Variants in SGCZ observed in about 807,000 individuals in gnomAD.
SGCZ encodes zeta-sarcoglycan.
SGCZ carries 40 observed loss-of-function variants against 41.3 expected under a neutral mutation model. The observed-to-expected ratio is 0.97, with a 90% confidence interval of 0.75 to 1.26. The LOEUF is 1.26. Among genes scored for constraint, SGCZ ranks in the 50% most tolerant of loss-of-function variants. SGCZ has a pLI of 0.00. For synonymous variants in SGCZ, 206 were observed against 137.5 expected, an observed-to-expected ratio of 1.50 and a Z score of -3.49; for missense variants, 552 against 369.8, an observed-to-expected ratio of 1.49 and a Z score of -4.04.
intron 1 of SGCZ, among the ~76,000 whole-genome samples, chr8:15,214,609 G>A (rs1053966019): frequency 6.6e-6 from 1 of 152,076 alleles, no homozygotes; most frequent in Non-Finnish European, 1.5e-5. Context: ...TGCTAGACAT[G>A]CACATCTTCC....
chr8:14,823,032 C>T (rs374128658), intron 1 of SGCZ, among the ~76,000 whole-genome samples: 4 of 120,074 alleles, frequency 3.3e-5, no homozygotes, highest in African/African-American at 1.4e-4. Context: ...CCAGCCTGGG[C>T]AATGAAGCCA....
chr8:14,393,480 C>A (rs761340723), intron 2 of SGCZ, among the ~76,000 whole-genome samples: 2 of 152,038 alleles, frequency 1.3e-5, no homozygotes, highest in Non-Finnish European at 2.9e-5. Flanking sequence ...TACGGTGGGG[C>A]GACCAACCTT....
chr8:14,310,123 TTTTC>T (rs1166171503), intron 3 of SGCZ, among the ~76,000 whole-genome samples: 4 of 152,006 alleles, frequency 2.6e-5, no homozygotes, highest in Non-Finnish European at 5.9e-5. Context: ...TTTCTAGCAA[TTTTC>T]TTTGTTTCTT....
chr8:14,692,860 T>C lies in SGCZ; in HGVS notation c.40-137934A>G, dbSNP rs964958017. Among the ~76,000 whole-genome samples the C allele has an allele frequency of 2.6e-5, 4 of 152,196 alleles. 1 individual carries two copies. Among genetic ancestry groups the C allele is most frequent in the Non-Finnish European group, 5.9e-5 (4 of 68,024 alleles). ...AATCTTGAGCATGAAACTTCAATTT[T>C]CTGATTTCACTGAACGCGATATCGA... On this transcript the variant is annotated intron_variant, in intron 1 of 7. Transcript: ENST00000382080.
At chr8:14,809,312 CA>C (rs1453257174) in intron 1 of SGCZ, among the ~76,000 whole-genome samples, 1 of 152,012 alleles carries the variant, frequency 6.6e-6, no homozygotes, top group Admixed American at 6.6e-5. Flanking sequence ...AAAATTTCAT[CA>C]TGAATATAAG....
intron 1 of SGCZ, among the ~76,000 whole-genome samples, chr8:15,146,675 T>C (rs572842796): frequency 3.7e-4 from 57 of 152,352 alleles, no homozygotes; most frequent in African/African-American, 1.3e-3. Flanking sequence ...TCTGTGAGCA[T>C]GGGGAAGGAA....
At chr8:14,692,335 G>C (rs1808826488) in intron 1 of SGCZ, among the ~76,000 whole-genome samples, 1 of 152,014 alleles carries the variant, frequency 6.6e-6, no homozygotes, top group Non-Finnish European at 1.5e-5. Context: ...GACATGAAAA[G>C]GGTGATTTAC....
intron 1 of SGCZ, among the ~76,000 whole-genome samples, chr8:14,953,536 T>C (rs1800706947): frequency 6.6e-6 from 1 of 152,174 alleles, no homozygotes; most frequent in East Asian, 1.9e-4. Context: ...ATCTCTCTCA[T>C]GTTAGCACTG....
intron 2 of SGCZ, among the ~76,000 whole-genome samples, chr8:14,334,937 A>G (rs574727263): frequency 2.6e-5 from 4 of 152,238 alleles, no homozygotes; most frequent in Non-Finnish European, 5.9e-5. Context: ...GTTAAGTGGA[A>G]GAACAGGTGT....
chr8:14,555,192 A>AAG (rs1323929653), intron 1 of SGCZ, among the ~76,000 whole-genome samples: 4 of 151,994 alleles, frequency 2.6e-5, no homozygotes, highest in African/African-American at 9.7e-5. Flanking sequence ...TTTCAACAGT[A>AAG]AGTTTTTCCC....
chr8:14,316,474 C>A (rs1198874394), intron 3 of SGCZ, among the ~76,000 whole-genome samples: 1 of 151,878 alleles, frequency 6.6e-6, no homozygotes, highest in Non-Finnish European at 1.5e-5. Flanking sequence ...AGGCCTGACT[C>A]AACTGTAATT....
intron 1 of SGCZ, among the ~76,000 whole-genome samples, chr8:15,218,409 T>C (rs533760357): frequency 6.6e-6 from 1 of 152,358 alleles, no homozygotes; most frequent in East Asian, 1.9e-4. Flanking sequence ...TCCCAATGCA[T>C]ATTTTTAGGT....
rs182993153 is a variant in SGCZ at position 14,489,683 on chromosome 8, T to A, written c.234+65049A>T. ...GGCATATTTCTTTCTTATATATTAT[T>A]AAATATATCGTAAATATAAATCTTA... On this transcript the variant is annotated intron_variant, in intron 2 of 7. Coordinates refer to ENST00000382080, the MANE Select transcript of SGCZ (RefSeq NM_139167.4). 1.9e-3 allele frequency among the ~76,000 whole-genome samples: 288 copies of A among 151,252 alleles called. 8 individuals carry two copies. Among genetic ancestry groups the A allele is most frequent in the Admixed American group, 0.019 (286 of 15,130 alleles).
intron 1 of SGCZ, among the ~76,000 whole-genome samples, chr8:15,127,505 A>G (rs1474133729): frequency 2.0e-5 from 3 of 152,172 alleles, no homozygotes; most frequent in African/African-American, 7.2e-5. Context: ...CTGTTACAGG[A>G]GGTTGGGAAA....
chr8:14,838,746 A>T (rs1334500079), intron 1 of SGCZ, among the ~76,000 whole-genome samples: 1 of 152,098 alleles, frequency 6.6e-6, no homozygotes, highest in Non-Finnish European at 1.5e-5. Flanking sequence ...TGGAGTATAA[A>T]ATCTTTGTTT....
Position 14,183,160 on chromosome 8 carries a change from A to G in SGCZ, c.425-18458T>C, listed in dbSNP as rs1804785610. 2.6e-5 allele frequency among the ~76,000 whole-genome samples: 4 copies of G among 152,166 alleles called. No individual in the cohort carries two copies. In the South Asian group the frequency reaches 8.3e-4, roughly 31 times the overall value. On this transcript the variant is annotated intron_variant, in intron 4 of 7. Coordinates refer to ENST00000382080, the MANE Select transcript of SGCZ (RefSeq NM_139167.4). ...CAAATATTTCATGGCAACATTATAAATCTGAAAATTTTGTTGACATGAGTA... is the reference window on the plus strand; with the variant it reads ...CAAATATTTCATGGCAACATTATAAGTCTGAAAATTTTGTTGACATGAGTA...
chr8:14,629,541 A>C (rs1190024032), intron 1 of SGCZ, among the ~76,000 whole-genome samples: 2 of 151,246 alleles, frequency 1.3e-5, no homozygotes, highest in African/African-American at 4.9e-5. Flanking sequence ...ATCGGGAAGT[A>C]AATAGTCAGC....
chr8:15,170,371 A>T (rs482004), intron 1 of SGCZ, among the ~76,000 whole-genome samples: 1 of 151,946 alleles, frequency 6.6e-6, no homozygotes, highest in East Asian at 1.9e-4. Context: ...GATATAAAAA[A>T]AAAAGGAAAA....
intron 1 of SGCZ, among the ~76,000 whole-genome samples, chr8:14,941,875 T>G (rs1585398107): frequency 1.3e-5 from 2 of 151,596 alleles, no homozygotes; most frequent in African/African-American, 4.8e-5. Flanking sequence ...ATTCTATATT[T>G]TATATATATG....
Sources: allele counts gnomAD v4.1 joint callset (sites outside exome capture counted in the v4.1 genomes callset), GRCh38; gene constraint gnomAD v4.1.1; transcripts MANE v1.5; gene names NCBI Gene and HGNC (gene_info 2026-07-23, HGNC 2026-07-21).